Variants in GPC5 observed in about 807,000 individuals in gnomAD.
GPC5 encodes the protein glypican 5.
A neutral mutation model predicts 53.9 loss-of-function variants in GPC5; 47 were observed. That is an observed-to-expected ratio of 0.87 (90% confidence interval 0.69 to 1.11). The LOEUF is 1.11. GPC5 is among the 50% of genes most tolerant of loss of function. The pLI is 0.00. For synonymous variants in GPC5, 286 were observed against 263.3 expected (o/e 1.09, Z -0.84); for missense variants, 748 against 713.1 (o/e 1.05, Z -0.56).
At chr13:92,031,161 C>CCT (rs1341690810) in intron 6 of GPC5, among the ~76,000 whole-genome samples, 1 of 152,066 alleles carries the variant, frequency 6.6e-6, no homozygotes, top group East Asian at 1.9e-4. Flanking sequence ...GGTTCATGTG[C>CCT]CTTACTCAGC....
At chr13:91,433,350 C>T (rs1879646828) in intron 1 of GPC5, among the ~76,000 whole-genome samples, 1 of 140,860 alleles carries the variant, frequency 7.1e-6, no homozygotes. Context: ...TCCCTACCCC[C>T]TCCCCCCACC....
At chr13:91,559,973 G>C (rs748409035) in intron 2 of GPC5, among the ~76,000 whole-genome samples, 2 of 152,128 alleles carry the variant, frequency 1.3e-5, no homozygotes, top group African/African-American at 2.4e-5. Context: ...TAGATCTGAA[G>C]GGTACTAGAC....
chr13:92,740,873 T>C (rs1427939149), intron 7 of GPC5, among the ~76,000 whole-genome samples: 3 of 116,498 alleles, frequency 2.6e-5, no homozygotes, highest in Admixed American at 1.0e-4. Flanking sequence ...ATTATATTTA[T>C]GTATGTATGT....
intron 7 of GPC5, among the ~76,000 whole-genome samples, chr13:92,864,729 G>A (rs978838467): frequency 6.6e-6 from 1 of 151,944 alleles, no homozygotes; most frequent in Non-Finnish European, 1.5e-5. Context: ...ACACAGAAGG[G>A]CAAAACAAGC....
At chr13:91,701,541 A>C (rs1213278016) in intron 3 of GPC5, among the ~76,000 whole-genome samples, 2 of 151,084 alleles carry the variant, frequency 1.3e-5, no homozygotes, top group Non-Finnish European at 1.5e-5. Context: ...AGGCTTAATA[A>C]TATTCCACTG....
chr13:92,216,934 G>T (rs776516967), intron 7 of GPC5, among the ~76,000 whole-genome samples: 1 of 148,126 alleles, frequency 6.8e-6, no homozygotes, highest in Non-Finnish European at 1.5e-5. Flanking sequence ...AGCTGAGATC[G>T]CACTACTGGG....
chr13:92,480,663 A>T (rs1429152586), intron 7 of GPC5, among the ~76,000 whole-genome samples: 1 of 152,012 alleles, frequency 6.6e-6, no homozygotes, highest in Non-Finnish European at 1.5e-5. Flanking sequence ...AGACTAAAAA[A>T]CACTGTGGTA....
At chr13:92,440,783 G>A (rs1380689385) in intron 7 of GPC5, among the ~76,000 whole-genome samples, 23 of 152,114 alleles carry the variant, frequency 1.5e-4, no homozygotes, top group Non-Finnish European at 2.9e-4. Flanking sequence ...TTTAACAAAA[G>A]CCATTCTGAC....
chr13:92,629,494 A>G (rs771570786), intron 7 of GPC5, among the ~76,000 whole-genome samples: 6 of 152,168 alleles, frequency 3.9e-5, no homozygotes, highest in African/African-American at 9.7e-5. Context: ...CATTATAAGA[A>G]ATGGTGATTT....
chr13:92,227,099 C>T (rs1412226032), intron 7 of GPC5, among the ~76,000 whole-genome samples: 1 of 152,110 alleles, frequency 6.6e-6, no homozygotes, highest in Non-Finnish European at 1.5e-5. Context: ...TCCTTCTGCC[C>T]CTTTCTGAAA....
intron 7 of GPC5, among the ~76,000 whole-genome samples, chr13:92,381,889 TTATATATAATCATATATA>T (rs2043746783): frequency 1.6e-5 from 2 of 122,178 alleles, no homozygotes; most frequent in Non-Finnish European, 3.4e-5. Context: ...ATTATATATA[TTATATATAATCATATATA>T]TGATATATAT....
chr13:91,478,799 A>ATATATG (rs376464525), intron 2 of GPC5, among the ~76,000 whole-genome samples: 10,973 of 79,770 alleles, frequency 0.14, 850 homozygotes, highest in East Asian at 0.25. Context: ...TTGAGTTTAT[A>ATATATG]TATATATATA....
At position 91,673,782 on chromosome 13, in the gene GPC5, T is replaced by A. The variant is rs563408014; in HGVS notation, c.326-19405T>A. ...TGAACACCAGAAAATAATAGAAAAA[T>A]TATAGAAACATAATTTAATATCCAT... is the stretch of plus-strand genomic sequence containing the variant. On this transcript the variant is annotated intron_variant, in intron 2 of 7. Transcript: ENST00000377067. Among the ~76,000 whole-genome samples, 4 of 152,228 alleles carry A rather than the reference T, an allele frequency of 2.6e-5. No individual in the cohort carries two copies. In the East Asian group the frequency reaches 7.7e-4, roughly 29 times the overall value.
chr13:92,793,211 A>C (rs1876531518), intron 7 of GPC5, among the ~76,000 whole-genome samples: 1 of 152,186 alleles, frequency 6.6e-6, no homozygotes. Flanking sequence ...CAATCAAATT[A>C]GAACTCAGGA....
At chr13:92,268,933 G>A (rs2042821434) in intron 7 of GPC5, among the ~76,000 whole-genome samples, 1 of 151,726 alleles carries the variant, frequency 6.6e-6, no homozygotes. Flanking sequence ...TTTATTAATT[G>A]TAGATCTTTA....
intron 7 of GPC5, among the ~76,000 whole-genome samples, chr13:92,569,275 G>A (rs1211064487): frequency 5.3e-5 from 8 of 151,752 alleles, no homozygotes; most frequent in Non-Finnish European, 1.2e-4. Flanking sequence ...TTCAATGAAT[G>A]CTCACACTGT....
At chr13:92,350,446 G>A (rs1204393790) in intron 7 of GPC5, among the ~76,000 whole-genome samples, 1 of 152,138 alleles carries the variant, frequency 6.6e-6, no homozygotes, top group Non-Finnish European at 1.5e-5. Flanking sequence ...GCACAGAAAG[G>A]CAAATACATG....
intron 7 of GPC5, among the ~76,000 whole-genome samples, chr13:92,575,813 T>C (rs1463818170): frequency 6.6e-6 from 1 of 152,176 alleles, no homozygotes; most frequent in East Asian, 1.9e-4. Flanking sequence ...CAGTGTATCT[T>C]CAGTCTTGCC....
intron 7 of GPC5, among the ~76,000 whole-genome samples, chr13:92,572,458 A>C (rs185847834): frequency 1.3e-5 from 2 of 152,280 alleles, no homozygotes; most frequent in East Asian, 1.9e-4. Context: ...TTCAGCAGGG[A>C]AGATGGATAC....
Sources: allele counts gnomAD v4.1 joint callset (sites outside exome capture counted in the v4.1 genomes callset), GRCh38; gene constraint gnomAD v4.1.1; transcripts MANE v1.5; gene names NCBI Gene and HGNC (gene_info 2026-07-23, HGNC 2026-07-21).